CELF5: variants seen among roughly 807,000 people sequenced by gnomAD.
CELF5 encodes the protein CUGBP Elav-like family member 5.
A neutral mutation model predicts 54.9 loss-of-function variants in CELF5; 6 were observed. That is an observed-to-expected ratio of 0.11 (90% CI 0.06 to 0.22). The LOEUF (loss-of-function observed/expected upper bound fraction) is 0.22, where lower values mean the gene tolerates loss of function less well. Among genes scored for constraint, CELF5 ranks in the 10% least tolerant of loss-of-function variants. The pLI is 1.00. For missense variants in CELF5, 401 were observed against 678.6 expected (o/e 0.59, Z 4.54); for synonymous variants, 271 against 290.9 (o/e 0.93, Z 0.70).
At chr19:3,256,534 TTTATTATTATTATTATTA>T (rs58462515) in intron 2 of CELF5, among the ~76,000 whole-genome samples, 4,325 of 144,522 alleles carry the variant, frequency 0.03, 212 homozygotes, top group African/African-American at 0.1. Flanking sequence ...GGAGGTTTCA[TTTATTATTATTATTATTA>T]TTATTATTAT....
chr19:3,272,508 T>A (rs181248310), intron 2 of CELF5, among the ~76,000 whole-genome samples: 19 of 152,230 alleles, frequency 1.2e-4, no homozygotes, highest in Non-Finnish European at 8.8e-5. Flanking sequence ...GGGAATCTAT[T>A]TCAAGTTTGT....
At chr19:3,239,538 C>CT (rs1195566320) in intron 1 of CELF5, among the ~76,000 whole-genome samples, 177 of 144,638 alleles carry the variant, frequency 1.2e-3, no homozygotes, top group East Asian at 7.0e-3. Flanking sequence ...GCCCGGCTAA[C>CT]TTTTTTTTTT....
At chr19:3,256,199 C>T (rs1040538578) in intron 2 of CELF5, among the ~76,000 whole-genome samples, 1 of 152,104 alleles carries the variant, frequency 6.6e-6, no homozygotes, top group Non-Finnish European at 1.5e-5. Flanking sequence ...GGTTCCCACC[C>T]CTAAAGTATT....
intron 2 of CELF5, among the ~76,000 whole-genome samples, chr19:3,259,120 G>A (rs2079772163): frequency 1.3e-5 from 2 of 152,204 alleles, no homozygotes; most frequent in Admixed American, 1.3e-4. Flanking sequence ...CACAGATGGA[G>A]GTGGAGATGG....
chr19:3,271,110 A>G (rs1204924027), intron 2 of CELF5, among the ~76,000 whole-genome samples: 2 of 150,744 alleles, frequency 1.3e-5, no homozygotes, highest in Non-Finnish European at 3.0e-5. Flanking sequence ...CGTGTGGTGA[A>G]TCAGCGTTGC....
intron 2 of CELF5, among the ~76,000 whole-genome samples, chr19:3,261,690 A>G (rs1010713148): frequency 6.6e-6 from 1 of 151,720 alleles, no homozygotes; most frequent in Admixed American, 6.6e-5. Flanking sequence ...GCATGGTGGC[A>G]TGTACCTGTA....
intron 2 of CELF5, among the ~76,000 whole-genome samples, chr19:3,253,930 C>T (rs8112130): frequency 0.2 from 30,386 of 152,040 alleles, 3,489 homozygotes; most frequent in East Asian, 0.54. Context: ...GTCCTCATTT[C>T]CCTGATGAAG....
intron 12 of CELF5, chr19:3,296,434 G>GAAAAAAAAAAAAAAAAAAAAAAAGA (rs5826810): frequency 1.8e-5 from 1 of 54,862 alleles, no homozygotes; most frequent in Non-Finnish European, 3.2e-5. Context: ...AAACCACACA[G>GAAAAAAAAAAAAAAAAAAAAAAAGA]AAAAAAAAAA....
intron 1 of CELF5, among the ~76,000 whole-genome samples, chr19:3,246,980 C>T (rs1452544795): frequency 6.6e-6 from 1 of 152,172 alleles, no homozygotes; most frequent in African/African-American, 2.4e-5. Flanking sequence ...ACAGGAAGCA[C>T]TCAATCACAT....
chr19:3,273,212 C>T (rs777441543), intron 2 of CELF5, among the ~76,000 whole-genome samples: 2 of 152,102 alleles, frequency 1.3e-5, no homozygotes, highest in Non-Finnish European at 2.9e-5. Context: ...GGTCTGGGCT[C>T]AGCTGGACGG....
intron 2 of CELF5, among the ~76,000 whole-genome samples, chr19:3,255,176 G>C (rs1299294166): frequency 6.6e-6 from 1 of 151,904 alleles, no homozygotes. Context: ...GCTCAAACTG[G>C]CTATGGCACA....
At chr19:3,292,042 G>A (rs1016757926) in intron 11 of CELF5, among the ~76,000 whole-genome samples, 1 of 152,102 alleles carries the variant, frequency 6.6e-6, no homozygotes, top group South Asian at 2.1e-4. Flanking sequence ...TGCCTCTTGG[G>A]TTCAAGTGAT....
At chr19:3,287,081 G>A (rs1041743938) in intron 10 of CELF5, among the ~76,000 whole-genome samples, 4 of 150,838 alleles carry the variant, frequency 2.7e-5, no homozygotes, top group Admixed American at 2.6e-4. Flanking sequence ...ATCCCAAGCT[G>A]GTAACAACCC....
chr19:3,286,290 G>A, intron 10 of CELF5: 1 of 420,526 alleles, frequency 2.4e-6, no homozygotes. Flanking sequence ...CCAGAACCAA[G>A]AGTGATTCTC....
intron 1 of CELF5, among the ~76,000 whole-genome samples, chr19:3,242,339 G>C (rs2079502541): frequency 6.6e-6 from 1 of 151,726 alleles, no homozygotes; most frequent in Non-Finnish European, 1.5e-5. Flanking sequence ...TTCAAGACTA[G>C]CCCGGCCAAC....
At chr19:3,236,083 G>T (rs1206686710) in intron 1 of CELF5, among the ~76,000 whole-genome samples, 1 of 152,176 alleles carries the variant, frequency 6.6e-6, no homozygotes, top group African/African-American at 2.4e-5. Flanking sequence ...GCCACAGCCA[G>T]CAGGGCTGGA....
In CELF5 at chr19:3,247,425, C is replaced by T. The variant is rs977007421; in HGVS notation, c.260-3560C>T. Among the ~76,000 whole-genome samples, 6 of 151,940 alleles carry T rather than the reference C, an allele frequency of 3.9e-5. No individual in the cohort carries two copies. In the South Asian group the frequency reaches 6.2e-4, roughly 16 times the overall value. ...ACAGGCGTGAGCCATCACGCCCGGCCTAATTTTTGTATTTTTTATAGAGAT... is the reference window on the plus strand; with the variant it reads ...ACAGGCGTGAGCCATCACGCCCGGCTTAATTTTTGTATTTTTTATAGAGAT... On this transcript the variant is annotated intron_variant, in intron 1 of 12. Coordinates refer to ENST00000292672, the MANE Select transcript of CELF5 (RefSeq NM_021938.4).
intron 1 of CELF5, among the ~76,000 whole-genome samples, chr19:3,245,409 TG>T (rs2079553598): frequency 6.6e-6 from 1 of 151,084 alleles, no homozygotes; most frequent in South Asian, 2.1e-4. Context: ...TGCGTGTGTG[TG>T]TGGTGTGTGG....
In CELF5 at chr19:3,285,996, C is replaced by A; in HGVS notation, c.1157C>A (p.Pro386Gln). The A allele has an allele frequency of 6.3e-7, 1 of 1,585,622 alleles. No individual in the cohort carries two copies. Reference sequence around the variant, plus strand: ...ATCGCGCACAGCGTCCCCCAGCCGCCGCCCCTCCTGCAGCAGCAGCAGCGA... The same window carrying A: ...ATCGCGCACAGCGTCCCCCAGCCGCAGCCCCTCCTGCAGCAGCAGCAGCGA... Reference protein sequence around the residue: ...TPIAHSVPQPPPLLQQQQREG... With the variant: ...TPIAHSVPQPQPLLQQQQREG... The change falls in exon 10 of 13, where the codon CCG becomes CAG. Residue 386 changes from proline (P) to glutamine (Q), a missense_variant. Physicochemically the swap from Pro to Gln is moderately conservative, Grantham distance 76 (BLOSUM62 -1). This residue lies in a region of CELF5 where 143 missense variants were observed against 147.6 expected (regional missense o/e 0.97). Coordinates refer to ENST00000292672, the MANE Select transcript of CELF5 (RefSeq NM_021938.4).
Sources: gnomAD v4.1 joint callset for allele counts (sites outside exome capture counted in the v4.1 genomes callset) on GRCh38, gnomAD v4.1.1 for gene constraint, gnomAD v4.1.1 regional missense constraint, MANE v1.5 for transcripts, NCBI Gene and HGNC (gene_info 2026-07-23, HGNC 2026-07-21) for gene names.